BMPER: variants seen among roughly 807,000 people sequenced by gnomAD.
The protein encoded by BMPER is BMP-binding endothelial regulator protein.
A neutral mutation model predicts 87.3 loss-of-function variants in BMPER; 45 were observed. That is an observed-to-expected ratio of 0.52 (90% CI 0.41 to 0.66). BMPER has a LOEUF of 0.66. Ranked by LOEUF, BMPER falls within the 30% of genes least tolerant of loss-of-function variation. The pLI is 0.00. For synonymous variants in BMPER, 326 were observed against 316.2 expected (o/e 1.03, Z -0.33); for missense variants, 784 against 867.5 (o/e 0.90, Z 1.21).
intron 6 of BMPER, among the ~76,000 whole-genome samples, chr7:34,028,609 T>G (rs900817228): frequency 1.8e-5 from 2 of 112,220 alleles, no homozygotes; most frequent in African/African-American, 4.0e-5. Context: ...CTGTTTTTTT[T>G]TTTTTTTTTT....
chr7:33,992,755 C>A (rs1585714665), intron 6 of BMPER, among the ~76,000 whole-genome samples: 1 of 148,844 alleles, frequency 6.7e-6, no homozygotes, highest in Non-Finnish European at 1.5e-5. Flanking sequence ...GCGGCTGGTA[C>A]CGGTTGCTCC....
intron 6 of BMPER, among the ~76,000 whole-genome samples, chr7:34,012,584 C>A (rs1786911509): frequency 6.6e-6 from 1 of 151,818 alleles, no homozygotes; most frequent in African/African-American, 2.4e-5. Context: ...TTTTTCTATA[C>A]CCCTTCTTAG....
intron 3 of BMPER, among the ~76,000 whole-genome samples, chr7:33,963,605 C>G (rs1289619346): frequency 2.0e-5 from 3 of 152,068 alleles, no homozygotes; most frequent in Non-Finnish European, 4.4e-5. Context: ...ACCAGCCTGG[C>G]CAACATGGTG....
chr7:33,930,457 A>G (rs905747528), intron 2 of BMPER, among the ~76,000 whole-genome samples: 2 of 152,112 alleles, frequency 1.3e-5, no homozygotes, highest in Admixed American at 1.3e-4. Context: ...CCCCCTACCC[A>G]TGCTCCATTA....
At chr7:33,982,726 A>C (rs954916212) in intron 6 of BMPER, among the ~76,000 whole-genome samples, 1 of 152,210 alleles carries the variant, frequency 6.6e-6, no homozygotes, top group Non-Finnish European at 1.5e-5. Flanking sequence ...ATTAGATTGA[A>C]TCCATAAATG....
upstream of BMPER, chr7:33,905,289 C>T (rs546280830): frequency 6.9e-6 from 3 of 432,442 alleles, no homozygotes; most frequent in South Asian, 6.4e-5. Context: ...TGCCGCAACA[C>T]CCCTTCCTCC....
chr7:33,997,273 A>G (rs998717929), intron 6 of BMPER, among the ~76,000 whole-genome samples: 2 of 152,050 alleles, frequency 1.3e-5, no homozygotes, highest in African/African-American at 2.4e-5. Context: ...TCTGCCCTCA[A>G]CTTGTCTTCC....
intron 6 of BMPER, among the ~76,000 whole-genome samples, chr7:34,035,914 G>A (rs1414243603): frequency 6.6e-6 from 1 of 152,168 alleles, no homozygotes; most frequent in Non-Finnish European, 1.5e-5. Context: ...CAGTTCATTG[G>A]TGATGTCTTG....
chr7:34,031,922 ATAT>A (rs2127951448), intron 6 of BMPER, among the ~76,000 whole-genome samples: 1 of 124,532 alleles, frequency 8.0e-6, no homozygotes, highest in African/African-American at 3.4e-5. Context: ...ATATATATAT[ATAT>A]ATACACACAC....
intron 13 of BMPER, among the ~76,000 whole-genome samples, chr7:34,095,354 G>A (rs1427517266): frequency 1.3e-5 from 2 of 152,110 alleles, no homozygotes. Context: ...ACAGTAATAT[G>A]AGTATAATTT....
chr7:34,039,031 C>T (rs1347779191), intron 6 of BMPER, among the ~76,000 whole-genome samples: 1 of 152,234 alleles, frequency 6.6e-6, no homozygotes, highest in Non-Finnish European at 1.5e-5. Flanking sequence ...TCGCTGACCT[C>T]TTCCTTCACA....
intron 7 of BMPER, among the ~76,000 whole-genome samples, chr7:34,049,490 A>G (rs1222030552): frequency 6.6e-6 from 1 of 152,204 alleles, no homozygotes; most frequent in African/African-American, 2.4e-5. Context: ...ATTGCCCGCT[A>G]TAATGGTAGT....
intron 6 of BMPER, among the ~76,000 whole-genome samples, chr7:34,038,084 TC>T (rs1340659875): frequency 1.3e-5 from 2 of 152,156 alleles, no homozygotes; most frequent in African/African-American, 4.8e-5. Context: ...CCCCAAGATG[TC>T]CATGTCCTAA....
Position 34,078,941 on chromosome 7 carries a change from A to G in BMPER, c.1163A>G (p.Tyr388Cys). Residue 388 changes from tyrosine (Y) to cysteine (C), a missense_variant, in exon 12 of 15, where the codon TAC (tyrosine) becomes TGC (cysteine). By Grantham distance (194) the Tyr-to-Cys change is radical (BLOSUM62 -2). Coordinates refer to ENST00000649409, the MANE Select transcript of BMPER (RefSeq NM_001365308.1). ...TTTAACTTTCAGGGGACGTGTCAGTACGTTTTGACAAAAGACTGCTCCTCC... is the reference window on the plus strand; with the variant it reads ...TTTAACTTTCAGGGGACGTGTCAGTGCGTTTTGACAAAAGACTGCTCCTCC... ...RTFNFQGTCQ[Y>C]VLTKDCSSPA... 6.2e-7 allele frequency: 1 copy of G among 1,614,180 alleles called. No individual in the cohort carries two copies. The highest frequency in any genetic ancestry group is 8.5e-7 in the Non-Finnish European group (1 of 1,180,044).
chr7:33,944,960 A>G (rs922129927), intron 3 of BMPER, among the ~76,000 whole-genome samples: 3 of 152,068 alleles, frequency 2.0e-5, no homozygotes, highest in Non-Finnish European at 4.4e-5. Context: ...ACATAATTTT[A>G]TGATGGAGTC....
At chr7:34,119,325 ATT>A (rs999781673) in intron 13 of BMPER, among the ~76,000 whole-genome samples, 6 of 151,820 alleles carry the variant, frequency 4.0e-5, no homozygotes, top group African/African-American at 1.5e-4. Context: ...AAACACCAAC[ATT>A]TTTTTTACAT....
chr7:34,124,471 T>A (rs1583461668), intron 13 of BMPER, among the ~76,000 whole-genome samples: 2 of 151,062 alleles, frequency 1.3e-5, no homozygotes, highest in Non-Finnish European at 2.9e-5. Context: ...TTTGTGACAG[T>A]AATGGATTAG....
chr7:33,931,868 A>C (rs1277655311), intron 2 of BMPER, among the ~76,000 whole-genome samples: 1 of 152,232 alleles, frequency 6.6e-6, no homozygotes, highest in Non-Finnish European at 1.5e-5. Context: ...ATTTGTGCTC[A>C]GCAATGGTGA....
chr7:33,907,129 T>C (rs925422856), intron 2 of BMPER, among the ~76,000 whole-genome samples: 1 of 152,142 alleles, frequency 6.6e-6, no homozygotes. Context: ...ATCATCCTTA[T>C]AGACGTAAAT....
Sources: allele counts gnomAD v4.1 joint callset (sites outside exome capture counted in the v4.1 genomes callset), GRCh38; gene constraint gnomAD v4.1.1; transcripts MANE v1.5; gene names NCBI Gene and HGNC (gene_info 2026-07-23, HGNC 2026-07-21).